RPL27A: variants seen among roughly 807,000 people sequenced by gnomAD.
The protein encoded by RPL27A is large ribosomal subunit protein uL15.
For missense variants in RPL27A, 118 were observed against 189.4 expected (o/e 0.62, Z 2.21); for synonymous variants, 69 against 68.3 (o/e 1.01, Z -0.05).
chr11:8,683,038 C>G (rs1281106539), intron 1 of RPL27A, 164 bp from the exon 2 acceptor site: 6 of 849,768 alleles, frequency 7.1e-6, no homozygotes, highest in South Asian at 1.7e-5. Context: ...CCTGCGCTAC[C>G]GTGGTGAGAC....
rs551522043 is a variant in RPL27A at position 8,687,394 on chromosome 11, C to CG, written c.*1588_*1589insG. ...GCAACAAGAGTGAAACTCTGTCCAC[C>CG]CCCCCCAAAAAAAGTAAGGGCTCTC... On this transcript the variant is annotated 3_prime_UTR_variant, in exon 5 of 5. Transcript: ENST00000314138. 1.5e-5 allele frequency: 2 copies of CG among 133,382 alleles called. No homozygotes were observed. Among genetic ancestry groups the CG allele is most frequent in the African/African-American group, 5.2e-5 (2 of 38,114 alleles). 8.3% of individuals were successfully genotyped at this position (133,382 alleles called of 1,614,324 possible).
At chr11:8,682,971 G>C (rs192404439) in intron 1 of RPL27A, 155 bp downstream of exon 1, 2 of 1,064,278 alleles carry the variant, frequency 1.9e-6, no homozygotes, top group African/African-American at 3.2e-5. Flanking sequence ...GGCCCGGGGC[G>C]GGGCTCCCGG....
intron 2 of RPL27A, 156 bp from the exon 3 acceptor site, chr11:8,683,844 ATTCTTT>A (rs910498411): frequency 1.3e-5 from 9 of 667,760 alleles, no homozygotes; most frequent in Non-Finnish European, 2.5e-5. Context: ...CGCCCGGCTA[ATTCTTT>A]TTCTATTTTT....
At chr11:8,684,169 G>A in intron 3 of RPL27A, 88 bp downstream of exon 3, 1 of 1,092,670 alleles carries the variant, frequency 9.2e-7, no homozygotes, top group Non-Finnish European at 1.4e-6. Context: ...TTAGAAGCAA[G>A]CCTTGCCTAT....
chr11:8,682,883 C>T (rs2039511659), intron 1 of RPL27A, 67 bp downstream of exon 1: 5 of 1,541,876 alleles, frequency 3.2e-6, no homozygotes, highest in Non-Finnish European at 3.5e-6. Context: ...TTCCCATTGC[C>T]CCTAGTCATC....
Position 8,689,162 on chromosome 11 carries a change from C to T in RPL27A, c.*3356C>T, listed in dbSNP as rs905737259. 1 of 152,280 alleles carries T rather than the reference C, an allele frequency of 6.6e-6. No homozygotes were observed. The highest frequency in any genetic ancestry group is 6.5e-5 in the Admixed American group (1 of 15,290). 9.4% of individuals were successfully genotyped at this position (152,280 alleles called of 1,614,324 possible). ...ACTCCACCCCTGGTCCTTGGGCGGC[C>T]GTGGGTCCCCTTCGAAGCGGAGGAA... On this transcript the variant is annotated 3_prime_UTR_variant, in exon 5 of 5. Transcript: ENST00000314138.
At chr11:8,684,957 A>AAG in intron 4 of RPL27A, 65 bp downstream of exon 4, 1 of 1,452,408 alleles carries the variant, frequency 6.9e-7, no homozygotes, top group South Asian at 1.1e-5. Context: ...GCTTAATCTA[A>AAG]TCCACTTATA....
intron 4 of RPL27A, 146 bp downstream of exon 4, chr11:8,685,038 C>CA (rs2039572878): frequency 1.2e-6 from 1 of 825,452 alleles, no homozygotes; most frequent in African/African-American, 1.7e-5. Context: ...TAGGTAGTTC[C>CA]CTATCCGTAG....
chr11:8,685,184 C>T, intron 4 of RPL27A: 7 of 479,530 alleles, frequency 1.5e-5, no homozygotes, highest in South Asian at 1.5e-4. Context: ...CATTGATACT[C>T]AGTGCCATGC....
chr11:8,683,373 CAA>C, intron 2 of RPL27A, 108 bp downstream of exon 2: 3 of 881,960 alleles, frequency 3.4e-6, no homozygotes, highest in Non-Finnish European at 5.5e-6. Flanking sequence ...TTTTTGTGGT[CAA>C]GTTGCACAGC....
At chr11:8,684,115 C>T (rs780208654) in intron 3 of RPL27A, 34 bp downstream of exon 3, 2 of 1,566,634 alleles carry the variant, frequency 1.3e-6, no homozygotes, top group Admixed American at 1.7e-5. Flanking sequence ...ATTGACACAG[C>T]TTGGGAGGTA....
chr11:8,684,411 A>T (rs2039562889), intron 3 of RPL27A: 1 of 717,154 alleles, frequency 1.4e-6, no homozygotes, highest in African/African-American at 1.7e-5. Context: ...TATTCAGAAG[A>T]CGTTTATTAT....
In RPL27A at chr11:8,686,784, T is replaced by C. The variant is rs1473569178; in HGVS notation, c.*978T>C. 1 of 152,198 alleles carries C rather than the reference T, an allele frequency of 6.6e-6. No homozygotes were observed. The highest frequency in any genetic ancestry group is 2.4e-5 in the African/African-American group (1 of 41,452). 9.4% of individuals were successfully genotyped at this position (152,198 alleles called of 1,614,324 possible). ...TATTGGAAAACTGATGGTGACCAAT[T>C]CATGTTTACAAATAAGATCCTCATA... On this transcript the variant is annotated 3_prime_UTR_variant, in exon 5 of 5. Coordinates refer to ENST00000314138, the MANE Select transcript of RPL27A (RefSeq NM_000990.5).
rs1349064403 is a variant in RPL27A, at chr11:8,688,819, CACGG to C, written c.*3020_*3023del. The C allele has an allele frequency of 1.3e-5, 2 of 152,256 alleles. No individual in the cohort carries two copies. Among genetic ancestry groups the C allele is most frequent in the Admixed American group, 1.3e-4 (2 of 15,286 alleles). The allele number at this position is 152,256 out of a possible 1,614,324, so 9.4% of individuals were successfully genotyped here. On this transcript the variant is annotated 3_prime_UTR_variant, in exon 5 of 5. Coordinates refer to ENST00000314138, the MANE Select transcript of RPL27A (RefSeq NM_000990.5). ...CTAACTAGCCCAAGAGCAGACAGCC[CACGG>C]ACGGACTGCAAGTCGGAAGCGCGGG...
At chr11:8,682,870 GTA>G in intron 1 of RPL27A, 54 bp downstream of exon 1, 1 of 1,577,952 alleles carries the variant, frequency 6.3e-7, no homozygotes, top group Non-Finnish European at 8.6e-7. Context: ...CCCCTAAGCT[GTA>G]TTCCCATTGC....
At position 8,684,065 on chromosome 11, in the gene RPL27A, A is replaced by C. The variant is rs767084573; in HGVS notation, c.127A>C (p.Ile43Leu). Reference protein sequence around the residue: ...GNAGGLHHHRINFDKYHPGYF... With the variant: ...GNAGGLHHHRLNFDKYHPGYF... ...TGCTGGTGGTCTGCATCACCACCGG[A>C]TCAACTTCGACAAATAGTAAGTGTC... Residue 43 changes from isoleucine (I) to leucine (L), a missense_variant, in exon 3 of 5, where the codon ATC (isoleucine) becomes CTC (leucine). By Grantham distance (5) the Ile-to-Leu change is conservative. Transcript: ENST00000314138. The C allele has an allele frequency of 9.9e-6, 16 of 1,613,376 alleles. No individual in the cohort carries two copies. The highest frequency in any genetic ancestry group is 3.3e-4 in the Middle Eastern group (2 of 6,084).
intron 3 of RPL27A, chr11:8,684,352 C>A: frequency 1.4e-6 from 1 of 730,804 alleles, no homozygotes; most frequent in Non-Finnish European, 2.5e-6. Flanking sequence ...AGGTTAGAGA[C>A]ATGCTTCACA....
Position 8,685,731 on chromosome 11 carries a change from G to A in RPL27A, c.372G>A (p.Val124=), listed in dbSNP as rs1324638461. The change falls in exon 5 of 5, where the codon GTG becomes GTA. Residue 124 remains valine (V), a synonymous_variant. Transcript: ENST00000314138. ...AGCTCCCAAAGCAGCCTGTCATCGT[G>A]AAGGCCAAATTCTTCAGCAGAAGAG... ...KGKLPKQPVI[V]KAKFFSRRAE... 4.3e-6 allele frequency: 7 copies of A among 1,614,032 alleles called. No individual in the cohort carries two copies. Among genetic ancestry groups the A allele is most frequent in the African/African-American group, 1.3e-5 (1 of 74,942 alleles).
chr11:8,683,998 T>A lies in RPL27A; in HGVS notation c.68-8T>A. The A allele has an allele frequency of 6.2e-7, 1 of 1,610,504 alleles. No individual in the cohort carries two copies. The highest frequency in any genetic ancestry group is 2.2e-5 in the East Asian group (1 of 44,878). ...ACACCGGCCCCACGTAGCTTTGTAT[T>A]CCTGCAGGCAAGCACCGGAAGCACC... On this transcript the variant is annotated splice_region_variant and splice_polypyrimidine_tract_variant and intron_variant, in intron 2 of 4. Coordinates refer to ENST00000314138, the MANE Select transcript of RPL27A (RefSeq NM_000990.5).
Sources: allele counts gnomAD v4.1 joint callset, GRCh38; gene constraint gnomAD v4.1.1; transcripts MANE v1.5; gene names NCBI Gene and HGNC (gene_info 2026-07-23, HGNC 2026-07-21).